Variants in LANCL1 observed in about 807,000 individuals in gnomAD.
LANCL1 encodes glutathione S-transferase LANCL1.
In LANCL1, 50 loss-of-function variants were observed where a neutral mutation model predicts 50.6. The observed-to-expected ratio is 0.99, with a 90% CI of 0.79 to 1.25. LANCL1 has a LOEUF of 1.25. Among genes scored for constraint, LANCL1 ranks in the 50% most tolerant of loss-of-function variants. The pLI is 0.00. For synonymous variants in LANCL1, 188 were observed against 178.6 expected (o/e 1.05, Z -0.42); for missense variants, 532 against 480.7 (o/e 1.11, Z -1.00).
intron 2 of LANCL1, among the ~76,000 whole-genome samples, chr2:210,474,561 C>CCAA (rs1439999290): frequency 8.2e-5 from 10 of 122,698 alleles, no homozygotes; most frequent in African/African-American, 1.2e-4. Context: ...ACTAAAAATA[C>CCAA]AAAAAAAAAA....
chr2:210,450,367 G>A (rs1290606534), intron 4 of LANCL1, among the ~76,000 whole-genome samples: 1 of 152,128 alleles, frequency 6.6e-6, no homozygotes. Flanking sequence ...AGACTTAAAT[G>A]TAAGGCCTAA....
intron 2 of LANCL1, 114 bp downstream of exon 2, chr2:210,476,202 T>C: frequency 1.7e-6 from 1 of 603,954 alleles, no homozygotes; most frequent in South Asian, 2.3e-5. Context: ...GTATTTATCG[T>C]CGAATCATGT....
intron 9 of LANCL1, 137 bp downstream of exon 9, chr2:210,435,250 G>A (rs1692886836): frequency 1.1e-5 from 7 of 650,354 alleles, no homozygotes; most frequent in East Asian, 2.7e-5. Flanking sequence ...TTTTAATATC[G>A]ATTTAGCATA....
intron 3 of LANCL1, among the ~76,000 whole-genome samples, chr2:210,458,955 T>C: frequency 6.6e-6 from 1 of 152,182 alleles, no homozygotes; most frequent in East Asian, 1.9e-4. Context: ...TACTTTAAAA[T>C]GTGACAAAAG....
chr2:210,446,862 T>G (rs1271583699), intron 4 of LANCL1, among the ~76,000 whole-genome samples: 1 of 151,824 alleles, frequency 6.6e-6, no homozygotes, highest in Non-Finnish European at 1.5e-5. Flanking sequence ...TGTGAAAAGA[T>G]CAAACCTACA....
chr2:210,453,930 G>A (rs1433524097), intron 4 of LANCL1, among the ~76,000 whole-genome samples: 1 of 152,052 alleles, frequency 6.6e-6, no homozygotes, highest in African/African-American at 2.4e-5. Flanking sequence ...CTCTGGAGTG[G>A]AATGTTCAGT....
chr2:210,438,445 A>G (rs1291585644), intron 6 of LANCL1, among the ~76,000 whole-genome samples: 1 of 152,032 alleles, frequency 6.6e-6, no homozygotes, highest in Non-Finnish European at 1.5e-5. Context: ...TTTTGTATAT[A>G]TTGTTTTTCA....
At chr2:210,460,699 A>G (rs1480521194) in intron 3 of LANCL1, 1 of 152,208 alleles carries the variant, frequency 6.6e-6, no homozygotes, top group South Asian at 2.1e-4. Flanking sequence ...ACTGTCAACA[A>G]TCCACTGAGT....
At chr2:210,475,206 G>A (rs1169740099) in intron 2 of LANCL1, among the ~76,000 whole-genome samples, 2 of 152,210 alleles carry the variant, frequency 1.3e-5, no homozygotes, top group Non-Finnish European at 2.9e-5. Context: ...TGACAGGGAT[G>A]AAATCTGTAA....
chr2:210,446,521 A>G (rs1192486168), intron 4 of LANCL1, among the ~76,000 whole-genome samples: 1 of 152,118 alleles, frequency 6.6e-6, no homozygotes, highest in Non-Finnish European at 1.5e-5. Context: ...AAATTGACGG[A>G]AGTAGGCTTC....
chr2:210,466,216 C>T (rs1275070032), intron 3 of LANCL1, among the ~76,000 whole-genome samples: 3 of 152,176 alleles, frequency 2.0e-5, no homozygotes, highest in East Asian at 1.9e-4. Context: ...GAGTTCAACA[C>T]TGAAGACATC....
chr2:210,471,701 A>G (rs1397384296), intron 3 of LANCL1: 2 of 675,206 alleles, frequency 3.0e-6, no homozygotes, highest in African/African-American at 3.5e-5. Flanking sequence ...TTTTCTCCTC[A>G]CAAGTATAGC....
intron 4 of LANCL1, among the ~76,000 whole-genome samples, chr2:210,453,672 G>A (rs182370338): frequency 2.2e-4 from 34 of 152,276 alleles, no homozygotes; most frequent in African/African-American, 6.5e-4. Flanking sequence ...CTGAATGAGA[G>A]TATCTTGTGG....
intron 7 of LANCL1, among the ~76,000 whole-genome samples, chr2:210,437,214 T>C (rs1337199041): frequency 6.6e-6 from 1 of 152,234 alleles, no homozygotes; most frequent in Non-Finnish European, 1.5e-5. Context: ...TTATTTCACT[T>C]AGCATGTTTT....
At position 210,434,333 on chromosome 2, in the gene LANCL1, G is replaced by A. The variant is rs2105880062; in HGVS notation, c.*154C>T. 2 of 577,152 alleles carry A rather than the reference G, an allele frequency of 3.5e-6. No individual in the cohort carries two copies. The highest frequency in any genetic ancestry group is 2.5e-5 in the South Asian group (1 of 40,746). 35.8% of individuals were successfully genotyped at this position (577,152 alleles called of 1,614,324 possible). On this transcript the variant is annotated 3_prime_UTR_variant, in exon 10 of 10. Coordinates refer to ENST00000450366, the MANE Select transcript of LANCL1 (RefSeq NM_006055.3). ...TAAGTAAAAGTAAATGATAATGGAA[G>A]GGAACTGAATGAAAGATAAATTCTG... is the stretch of plus-strand genomic sequence containing the variant.
At chr2:210,476,967 T>C (rs113998906), upstream of LANCL1, among the ~76,000 whole-genome samples, 12 of 152,252 alleles carry the variant, frequency 7.9e-5, no homozygotes, top group African/African-American at 2.6e-4. Context: ...TTCTTATTTT[T>C]AAAAAGTCAA....
At position 210,434,549 on chromosome 2, in the gene LANCL1, T is replaced by C. The variant is rs1370093397; in HGVS notation, c.1138A>G (p.Ile380Val). 3.1e-6 allele frequency: 5 copies of C among 1,613,530 alleles called. No individual in the cohort carries two copies. The highest frequency in any genetic ancestry group is 2.7e-5 in the African/African-American group (2 of 75,032). The part of the protein sequence containing the change: ...FSLFEGMAGT[I>V]YFLADLLVPT... ...ACTAGCAGGTCAGCCAGGAAATATA[T>C]TGTTCCAGCCATTCCTGAAGAAAGA... The change falls in exon 10 of 10, where the codon ATA becomes GTA. Residue 380 changes from isoleucine to valine, a missense_variant. Ile to Val is a conservative substitution (Grantham distance 29). Transcript: ENST00000450366.
chr2:210,462,896 A>G (rs1346337841), intron 3 of LANCL1, among the ~76,000 whole-genome samples: 1 of 152,234 alleles, frequency 6.6e-6, no homozygotes, highest in East Asian at 1.9e-4. Flanking sequence ...ACTAGTCATT[A>G]GCCACTTCTA....
chr2:210,449,866 A>G (rs977437059), intron 4 of LANCL1, among the ~76,000 whole-genome samples: 13 of 152,232 alleles, frequency 8.5e-5, no homozygotes, highest in Non-Finnish European at 1.9e-4. Context: ...ATGGAAAAAC[A>G]TTCCATGCTC....
Sources: gnomAD v4.1 joint callset for allele counts (sites outside exome capture counted in the v4.1 genomes callset) on GRCh38, gnomAD v4.1.1 for gene constraint, MANE v1.5 for transcripts, NCBI Gene and HGNC (gene_info 2026-07-23, HGNC 2026-07-21) for gene names.